The following EIF2AK2 variants were observed in gnomAD, a reference collection of about 807,000 sequenced individuals.
EIF2AK2 encodes the protein eukaryotic translation initiation factor 2 alpha kinase 2.
A neutral mutation model predicts 70.5 loss-of-function variants in EIF2AK2; 40 were observed. The ratio of observed to expected loss-of-function variants is 0.57; its 90% confidence interval spans 0.44 to 0.74. The LOEUF (loss-of-function observed/expected upper bound fraction) is 0.74. Ranked by LOEUF, EIF2AK2 falls within the 30% of genes least tolerant of loss-of-function variation. The pLI, the probability that EIF2AK2 is intolerant of heterozygous loss-of-function variation, is 0.00. For synonymous variants in EIF2AK2, 198 were observed against 220.9 expected (o/e 0.90, Z 0.92); for missense variants, 555 against 644.3 (o/e 0.86, Z 1.50).
chr2:37,143,984 T>C (rs771116495), intron 4 of EIF2AK2, among the ~76,000 whole-genome samples: 2 of 152,240 alleles, frequency 1.3e-5, no homozygotes, highest in African/African-American at 4.8e-5. Flanking sequence ...AGGATAATCA[T>C]GTACTACATA....
intron 13 of EIF2AK2, among the ~76,000 whole-genome samples, chr2:37,117,926 C>T (rs1674401553): frequency 1.3e-5 from 2 of 152,182 alleles, no homozygotes; most frequent in Non-Finnish European, 2.9e-5. Context: ...AATTGTACAC[C>T]TTCATTGTAT....
intron 8 of EIF2AK2, among the ~76,000 whole-genome samples, chr2:37,137,624 TTCAA>T (rs1675173525): frequency 2.0e-5 from 3 of 152,168 alleles, no homozygotes; most frequent in Non-Finnish European, 4.4e-5. Flanking sequence ...ATTATCTGAT[TTCAA>T]GTTTACTTTT....
At chr2:37,116,242 C>T (rs1323782389) in intron 13 of EIF2AK2, among the ~76,000 whole-genome samples, 1 of 151,820 alleles carries the variant, frequency 6.6e-6, no homozygotes, top group Admixed American at 6.6e-5. Flanking sequence ...GTTTTTGAGA[C>T]AGTGTCTCAT....
At chr2:37,107,920 T>C (rs1020071637) in intron 15 of EIF2AK2, among the ~76,000 whole-genome samples, 3 of 151,512 alleles carry the variant, frequency 2.0e-5, no homozygotes, top group African/African-American at 7.3e-5. Flanking sequence ...CCGAGGCGGG[T>C]GGATTGCCAG....
intron 14 of EIF2AK2, among the ~76,000 whole-genome samples, chr2:37,112,165 C>T (rs1674186695): frequency 6.6e-6 from 1 of 151,962 alleles, no homozygotes; most frequent in South Asian, 2.1e-4. Context: ...CCATTGCTTT[C>T]TGCCTTGAGG....
chr2:37,122,773 G>T (rs1558414893), intron 11 of EIF2AK2, 109 bp from the exon 12 acceptor site: 1 of 1,388,164 alleles, frequency 7.2e-7, no homozygotes, highest in Non-Finnish European at 9.9e-7. Context: ...TTAAACCATT[G>T]CTGTGGTTCT....
chr2:37,117,402 T>G (rs1364332809), intron 13 of EIF2AK2, among the ~76,000 whole-genome samples: 1 of 151,668 alleles, frequency 6.6e-6, no homozygotes. Flanking sequence ...CCTGCCTTGG[T>G]AGCCTGCACC....
intron 5 of EIF2AK2, among the ~76,000 whole-genome samples, chr2:37,139,978 G>A (rs1675271989): frequency 1.3e-5 from 2 of 152,106 alleles, no homozygotes; most frequent in East Asian, 1.9e-4. Context: ...GCATTTTCCA[G>A]GCAATTTCTA....
intron 4 of EIF2AK2, among the ~76,000 whole-genome samples, chr2:37,145,760 T>G (rs1177172126): frequency 0.018 from 1,803 of 97,564 alleles, 88 homozygotes; most frequent in African/African-American, 0.066. Flanking sequence ...TTTTTTTTTT[T>G]TTTTTTTTTT....
chr2:37,147,092 A>G (rs1417721750), intron 3 of EIF2AK2, 119 bp from the exon 4 acceptor site: 6 of 940,034 alleles, frequency 6.4e-6, no homozygotes, highest in Non-Finnish European at 9.1e-6. Flanking sequence ...TACATTCAAT[A>G]TAGCATTTAA....
intron 5 of EIF2AK2, 116 bp downstream of exon 5, chr2:37,141,437 C>G: frequency 8.1e-7 from 1 of 1,233,384 alleles, no homozygotes; most frequent in Admixed American, 2.4e-5. Context: ...TCATGTAAAA[C>G]CTTGCATACA....
chr2:37,156,525 T>C (rs1452261009), intron 1 of EIF2AK2, among the ~76,000 whole-genome samples: 1 of 152,196 alleles, frequency 6.6e-6, no homozygotes, highest in Non-Finnish European at 1.5e-5. Flanking sequence ...TCTATGAGTA[T>C]TTCAGGCCTC....
In EIF2AK2 at chr2:37,100,298, C is replaced by G. The variant is rs1673796480; in HGVS notation, c.*6975G>C. ...AGCCTCCAGAGGAGCATGGCCTTGC[C>G]CAGTGAACTGCAGCCCAGTGAATCT... On this transcript the variant is annotated 3_prime_UTR_variant, in exon 17 of 17. Coordinates refer to ENST00000233057, the MANE Select transcript of EIF2AK2 (RefSeq NM_001135651.3). 6.6e-6 allele frequency: 1 copy of G among 152,140 alleles called. No homozygotes were observed. Among genetic ancestry groups the G allele is most frequent in the Admixed American group, 6.5e-5 (1 of 15,284 alleles). 9.4% of individuals were successfully genotyped at this position (152,140 alleles called of 1,614,324 possible).
At position 37,141,632 on chromosome 2, in the gene EIF2AK2, G is replaced by A. The variant is rs1675334862; in HGVS notation, c.310C>T (p.Leu104Phe). 6.2e-7 allele frequency: 1 copy of A among 1,613,950 alleles called. No individual in the cohort carries two copies. The highest frequency in any genetic ancestry group is 8.5e-7 in the Non-Finnish European group (1 of 1,179,982). ...TTCTTCTGGGCAATTCTATTGATAA[G>A]GCCTATGTAATTCCCCATGGATAAT... ...EGLSMGNYIGLINRIAQKKRL... is the reference protein window; with the variant it reads ...EGLSMGNYIGFINRIAQKKRL... The change falls in exon 5 of 17, where the codon CTT (leucine) becomes TTT (phenylalanine). Residue 104 changes from leucine to phenylalanine, a missense_variant. By Grantham distance (22) the Leu-to-Phe change is conservative (BLOSUM62 0). This residue lies in a region of EIF2AK2 where 208 missense variants were observed against 191.8 expected (regional missense o/e 1.08). Transcript: ENST00000233057.
chr2:37,117,162 G>A (rs536623157), intron 13 of EIF2AK2, among the ~76,000 whole-genome samples: 4 of 148,242 alleles, frequency 2.7e-5, no homozygotes, highest in South Asian at 2.1e-4. Flanking sequence ...GCAGTGAGCC[G>A]AGATCACTCC....
intron 4 of EIF2AK2, among the ~76,000 whole-genome samples, chr2:37,143,092 G>C (rs898161985): frequency 6.6e-6 from 1 of 152,028 alleles, no homozygotes; most frequent in African/African-American, 2.4e-5. Flanking sequence ...AGCTGGCCGT[G>C]GTGGTGGGTG....
intron 13 of EIF2AK2, among the ~76,000 whole-genome samples, chr2:37,116,260 T>C (rs1036398753): frequency 6.6e-6 from 1 of 151,806 alleles, no homozygotes; most frequent in African/African-American, 2.4e-5. Flanking sequence ...CATTTTGTTA[T>C]CCAGGATGGA....
chr2:37,150,202 T>A (rs780854370), intron 1 of EIF2AK2, among the ~76,000 whole-genome samples: 1 of 149,982 alleles, frequency 6.7e-6, no homozygotes, highest in Non-Finnish European at 1.5e-5. Flanking sequence ...CAGAAATACT[T>A]CACAACATTG....
At chr2:37,114,159 A>T (rs1490977195) in intron 14 of EIF2AK2, among the ~76,000 whole-genome samples, 3 of 152,140 alleles carry the variant, frequency 2.0e-5, no homozygotes, top group Non-Finnish European at 4.4e-5. Flanking sequence ...TTAGCTGGGC[A>T]CAGTGGTATG....
Sources: gnomAD v4.1 joint callset for allele counts (sites outside exome capture counted in the v4.1 genomes callset) on GRCh38, gnomAD v4.1.1 for gene constraint, gnomAD v4.1.1 regional missense constraint, MANE v1.5 for transcripts, NCBI Gene and HGNC (gene_info 2026-07-23, HGNC 2026-07-21) for gene names.